The following EXOG variants were observed in gnomAD, a reference collection of about 807,000 sequenced individuals.
EXOG encodes nuclease EXOG, mitochondrial.
In EXOG, 27 loss-of-function variants were observed where a neutral mutation model predicts 25.8. The ratio of observed to expected loss-of-function variants is 1.05; its 90% CI spans 0.77 to 1.45. The LOEUF (loss-of-function observed/expected upper bound fraction) is 1.45, where lower values mean the gene tolerates loss of function less well. EXOG is among the 40% of genes most tolerant of loss of function. The pLI is 0.00. For missense variants in EXOG, 458 were observed against 450.5 expected (o/e 1.02, Z -0.15); for synonymous variants, 133 against 167.0 (o/e 0.80, Z 1.57).
intron 1 of EXOG, 31 bp from the exon 2 acceptor site, chr3:38,497,598 C>T (rs900144809): frequency 5.3e-6 from 8 of 1,503,424 alleles, no homozygotes; most frequent in Non-Finnish European, 6.1e-6. Flanking sequence ...TTTGTCTCTG[C>T]CCCCCCTTTT....
At chr3:38,519,506 C>G (rs992685376) in intron 5 of EXOG, 1 of 152,156 alleles carries the variant, frequency 6.6e-6, no homozygotes, top group African/African-American at 2.4e-5. Flanking sequence ...ATTGAAAATG[C>G]CCTCAGGAGT....
intron 5 of EXOG, chr3:38,513,606 T>A (rs948660913): frequency 6.6e-6 from 1 of 152,222 alleles, no homozygotes. Flanking sequence ...TATCATATGA[T>A]TTTTTAAAAA....
In EXOG at chr3:38,506,847, T is replaced by G; in HGVS notation, c.531-7T>G. 7.0e-7 allele frequency: 1 copy of G among 1,433,812 alleles called. No individual in the cohort carries two copies. Among genetic ancestry groups the G allele is most frequent in the South Asian group, 1.2e-5 (1 of 86,038 alleles). The allele number at this position is 1,433,812 out of a possible 1,614,324, so 88.8% of individuals were successfully genotyped here. On this transcript the variant is annotated splice_region_variant and splice_polypyrimidine_tract_variant and intron_variant, in intron 4 of 5. Transcript: ENST00000287675. Reference sequence around the variant, plus strand: ...GAATATCATACATTTTTTTATTTGTTTTTCAGAATAGAAATGTACTGTCGA... The same window carrying G: ...GAATATCATACATTTTTTTATTTGTGTTTCAGAATAGAAATGTACTGTCGA...
At chr3:38,503,069 G>A (rs1398159394) in intron 3 of EXOG, among the ~76,000 whole-genome samples, 2 of 152,162 alleles carry the variant, frequency 1.3e-5, no homozygotes, top group African/African-American at 4.8e-5. Context: ...GATTGAGAGC[G>A]ACTGCTTGAA....
intron 5 of EXOG, among the ~76,000 whole-genome samples, chr3:38,507,531 G>A (rs1017105679): frequency 2.0e-5 from 3 of 152,174 alleles, no homozygotes; most frequent in African/African-American, 7.2e-5. Flanking sequence ...ACAGGTGGAC[G>A]GGTGAGATAA....
intron 5 of EXOG, among the ~76,000 whole-genome samples, chr3:38,516,050 T>C (rs2060533423): frequency 6.6e-6 from 1 of 152,218 alleles, no homozygotes; most frequent in Non-Finnish European, 1.5e-5. Flanking sequence ...GTATATTTTA[T>C]CTTAACAATG....
chr3:38,510,772 A>G (rs2060344144), intron 5 of EXOG, among the ~76,000 whole-genome samples: 1 of 152,006 alleles, frequency 6.6e-6, no homozygotes, highest in South Asian at 2.1e-4. Context: ...TGTTCAAGCT[A>G]GCCTTAAAGA....
intron 2 of EXOG, among the ~76,000 whole-genome samples, chr3:38,500,647 T>C (rs902357969): frequency 2.6e-5 from 4 of 152,230 alleles, no homozygotes; most frequent in Non-Finnish European, 5.9e-5. Flanking sequence ...GTCATAACTT[T>C]TGTAGTTTAA....
rs2060819196 is a variant in EXOG at position 38,524,284 on chromosome 3, T to C, written c.1029T>C (p.Phe343=). 1.9e-6 allele frequency: 3 copies of C among 1,614,048 alleles called. No individual in the cohort carries two copies. In the East Asian group the frequency reaches 6.7e-5, roughly 36 times the overall value. Residue 343 remains phenylalanine (F), a synonymous_variant, in exon 6 of 6, where the codon TTT becomes TTC. Coordinates refer to ENST00000287675, the MANE Select transcript of EXOG (RefSeq NM_005107.4). ...KNAEIEPDDY[F]MSRYEKKLEE... ...CAGAGATTGAACCAGATGATTACTT[T>C]ATGAGTCGCTATGAGAAGAAGCTAG...
intron 5 of EXOG, among the ~76,000 whole-genome samples, chr3:38,516,941 G>A (rs1255770680): frequency 1.3e-5 from 2 of 152,130 alleles, no homozygotes; most frequent in Non-Finnish European, 2.9e-5. Flanking sequence ...TCAGTGCATT[G>A]CATCAGGAGG....
intron 5 of EXOG, among the ~76,000 whole-genome samples, chr3:38,519,610 A>G (rs1297962286): frequency 6.6e-6 from 1 of 152,014 alleles, no homozygotes; most frequent in Non-Finnish European, 1.5e-5. Flanking sequence ...TTCCATATCT[A>G]TTTGTTTTAA....
intron 2 of EXOG, among the ~76,000 whole-genome samples, chr3:38,498,412 G>A (rs1332420286): frequency 6.6e-6 from 1 of 152,062 alleles, no homozygotes; most frequent in Non-Finnish European, 1.5e-5. Context: ...AAAATTAGCT[G>A]GGCGTGGTGG....
chr3:38,518,444 A>G (rs1031284461), intron 5 of EXOG, among the ~76,000 whole-genome samples: 8 of 152,198 alleles, frequency 5.3e-5, no homozygotes, highest in Admixed American at 4.6e-4. Flanking sequence ...AGTGCTGGAG[A>G]CTGGTCTGTT....
At chr3:38,508,830 G>A (rs1045729819) in intron 5 of EXOG, among the ~76,000 whole-genome samples, 3 of 151,646 alleles carry the variant, frequency 2.0e-5, no homozygotes, top group African/African-American at 7.3e-5. Context: ...GATTTGTATA[G>A]GTCCATATGA....
chr3:38,507,953 AAACCC>A (rs1453823280), intron 5 of EXOG, among the ~76,000 whole-genome samples: 1 of 152,110 alleles, frequency 6.6e-6, no homozygotes, highest in Non-Finnish European at 1.5e-5. Flanking sequence ...CAATATGGTG[AAACCC>A]CGTCTCTGCT....
intron 2 of EXOG, 65 bp from the exon 3 acceptor site, chr3:38,501,290 G>A (rs1248446386): frequency 6.8e-7 from 1 of 1,463,780 alleles, no homozygotes; most frequent in Non-Finnish European, 9.5e-7. Flanking sequence ...AGCTTGCCTT[G>A]CTTAGAGAAT....
In EXOG at chr3:38,524,673, A is replaced by T. The variant is rs1354801802; in HGVS notation, c.*311A>T. 9.6e-7 allele frequency: 1 copy of T among 1,040,428 alleles called. No individual in the cohort carries two copies. The highest frequency in any genetic ancestry group is 1.2e-6 in the Non-Finnish European group (1 of 866,426). 64.4% of individuals were successfully genotyped at this position (1,040,428 alleles called of 1,614,324 possible). ...TGGAATCCTAAATTTATGACTAAAA[A>T]TTCCCCCAAAAGATGAAAGATCTAC... On this transcript the variant is annotated 3_prime_UTR_variant, in exon 6 of 6. Transcript: ENST00000287675.
At chr3:38,509,128 A>G (rs1180122628) in intron 5 of EXOG, among the ~76,000 whole-genome samples, 1 of 152,192 alleles carries the variant, frequency 6.6e-6, no homozygotes, top group African/African-American at 2.4e-5. Context: ...TTTTTCAAAT[A>G]TTAATTATTC....
chr3:38,522,664 C>T (rs1201143481), intron 5 of EXOG, among the ~76,000 whole-genome samples: 1 of 152,044 alleles, frequency 6.6e-6, no homozygotes, highest in Non-Finnish European at 1.5e-5. Context: ...GCCACCACGC[C>T]CAGCTAATTT....
Sources: gnomAD v4.1 joint callset for allele counts (sites outside exome capture counted in the v4.1 genomes callset) on GRCh38, gnomAD v4.1.1 for gene constraint, MANE v1.5 for transcripts, NCBI Gene and HGNC (gene_info 2026-07-23, HGNC 2026-07-21) for gene names.